ESYT3: variants seen among roughly 807,000 people sequenced by gnomAD.
ESYT3 encodes extended synaptotagmin-3.
In ESYT3, 101 loss-of-function variants were observed where a neutral mutation model predicts 111.5. The observed-to-expected ratio is 0.91, with a 90% CI of 0.77 to 1.07. The LOEUF (loss-of-function observed/expected upper bound fraction) is 1.07, where lower values mean the gene tolerates loss of function less well. Ranked by LOEUF, ESYT3 falls within the 50% of genes least tolerant of loss-of-function variation. The pLI is 0.00. For synonymous variants in ESYT3, 416 were observed against 446.8 expected, an observed-to-expected ratio of 0.93 and a Z score of 0.87; for missense variants, 1,097 against 1,109.4, an observed-to-expected ratio of 0.99 and a Z score of 0.16.
intron 9 of ESYT3, 103 bp downstream of exon 9, chr3:138,464,618 G>C: frequency 7.9e-7 from 1 of 1,263,096 alleles, no homozygotes; most frequent in South Asian, 1.4e-5. Flanking sequence ...GAGACAGGCA[G>C]GTCTGTGGAA....
intron 1 of ESYT3, among the ~76,000 whole-genome samples, chr3:138,443,021 T>C (rs1340506737): frequency 6.6e-6 from 1 of 152,196 alleles, no homozygotes; most frequent in African/African-American, 2.4e-5. Flanking sequence ...CTATCATCGC[T>C]TAGGTCCCCT....
chr3:138,469,948 A>G, intron 15 of ESYT3, 112 bp from the exon 16 acceptor site: 1 of 810,796 alleles, frequency 1.2e-6, no homozygotes, highest in Non-Finnish European at 1.9e-6. Flanking sequence ...ATCCCAGGGC[A>G]TATAGGTAAG....
Position 138,472,597 on chromosome 3 carries a change from T to A in ESYT3, c.1975T>A (p.Ser659Thr). The change falls in exon 18 of 23, where the codon TCC (serine) becomes ACC (threonine). Residue 659 changes from serine (S) to threonine (T), a missense_variant. Transcript: ENST00000389567. ...SATTVATEPT[S>T]QETGPEPKGK... ...TACCACCGTTGCCACTGAGCCCACA[T>A]CCCAAGAGACAGGCCCAGAGCCTAA... The A allele has an allele frequency of 6.2e-7, 1 of 1,613,994 alleles. No homozygotes were observed. Among genetic ancestry groups the A allele is most frequent in the Non-Finnish European group, 8.5e-7 (1 of 1,180,004 alleles).
At chr3:138,459,322 G>A (rs2032485316) in intron 5 of ESYT3, 69 bp downstream of exon 5, 7 of 1,350,640 alleles carry the variant, frequency 5.2e-6, no homozygotes, top group Middle Eastern at 3.8e-4. Context: ...GGGGAAGCCA[G>A]GTCATGCCAG....
At chr3:138,439,521 C>T (rs774356340) in intron 1 of ESYT3, among the ~76,000 whole-genome samples, 5 of 152,160 alleles carry the variant, frequency 3.3e-5, no homozygotes, top group Non-Finnish European at 7.3e-5. Flanking sequence ...GCTTCCCTGC[C>T]CACCTCCCTT....
At chr3:138,481,012 G>T (rs2033678618), downstream of ESYT3, 1 of 152,140 alleles carries the variant, frequency 6.6e-6, no homozygotes, top group Non-Finnish European at 1.5e-5. Flanking sequence ...AAAAGGTGCT[G>T]GGACAATTGG....
chr3:138,459,831 G>C, intron 5 of ESYT3, 114 bp from the exon 6 acceptor site: 2 of 874,478 alleles, frequency 2.3e-6, no homozygotes, highest in Non-Finnish European at 3.6e-6. Context: ...AGGTGGCCCT[G>C]ACATGTGGGG....
Position 138,476,569 on chromosome 3 carries a change from C to G in ESYT3, c.2624+77C>G, listed in dbSNP as rs555059436. ...TTCCCTTTTCAGTACTGTTTCAGCTCCTTTGGTTATCAAGAAGGGAGGGAG... is the reference window on the plus strand; with the variant it reads ...TTCCCTTTTCAGTACTGTTTCAGCTGCTTTGGTTATCAAGAAGGGAGGGAG... On this transcript the variant is annotated intron_variant, in intron 22 of 22. Coordinates refer to ENST00000389567, the MANE Select transcript of ESYT3 (RefSeq NM_031913.5). 2.2e-5 allele frequency: 32 copies of G among 1,441,578 alleles called. No individual in the cohort carries two copies. The East Asian group carries it at 2.5e-4, about 11-fold the overall frequency. 89.3% of individuals were successfully genotyped at this position (1,441,578 alleles called of 1,614,324 possible).
Position 138,471,037 on chromosome 3 carries a change from C to A in ESYT3, c.1740+11C>A, listed in dbSNP as rs751082702. The A allele has an allele frequency of 6.2e-7, 1 of 1,610,270 alleles. No individual in the cohort carries two copies. ...AGGCTGGTGCTTCGGGTAAATCTCT[C>A]CGGTCCCCTGGGGGAGGGGAGGAAT... On this transcript the variant is annotated intron_variant, in intron 17 of 22. Transcript: ENST00000389567.
chr3:138,460,495 C>A, intron 6 of ESYT3, 116 bp from the exon 7 acceptor site: 1 of 1,144,528 alleles, frequency 8.7e-7, no homozygotes, highest in East Asian at 2.4e-5. Flanking sequence ...TCCTCCGAAC[C>A]CCCACCCTGG....
intron 9 of ESYT3, 109 bp downstream of exon 9, chr3:138,464,624 T>G (rs981993643): frequency 1.5e-5 from 18 of 1,188,784 alleles, no homozygotes; most frequent in Non-Finnish European, 2.1e-5. Flanking sequence ...GGCAGGTCTG[T>G]GGAATTCCTG....
chr3:138,460,016 GTTC>G lies in ESYT3; in HGVS notation c.724_726del (p.Phe242del). On this transcript the variant is annotated inframe_deletion, in exon 6 of 23. Coordinates refer to ENST00000389567, the MANE Select transcript of ESYT3 (RefSeq NM_031913.5). ...AGCCCTTTGTGGGAGCCGTGACTGT[GTTC>G]TTCCTTCAGAAGCCGGTGAGTCCCA... 1 of 1,614,142 alleles carries G rather than the reference GTTC, an allele frequency of 6.2e-7. No individual in the cohort carries two copies. The highest frequency in any genetic ancestry group is 1.1e-5 in the South Asian group (1 of 91,084).
chr3:138,465,577 A>C (rs916148899), intron 10 of ESYT3, among the ~76,000 whole-genome samples, 156 bp downstream of exon 10: 1 of 152,132 alleles, frequency 6.6e-6, no homozygotes, highest in African/African-American at 2.4e-5. Context: ...ACCATTCTAC[A>C]TTCCTACCAC....
At chr3:138,472,972 T>C in intron 18 of ESYT3, 113 bp downstream of exon 18, 1 of 1,515,164 alleles carries the variant, frequency 6.6e-7, no homozygotes, top group Non-Finnish European at 8.8e-7. Context: ...TTTCACAAAA[T>C]ATCTTCCTAA....
chr3:138,434,959 A>G lies in ESYT3; in HGVS notation c.161A>G (p.Tyr54Cys). 2 of 1,554,420 alleles carry G rather than the reference A, an allele frequency of 1.3e-6. No individual in the cohort carries two copies. The highest frequency in any genetic ancestry group is 8.7e-7 in the Non-Finnish European group (1 of 1,148,320). Residue 54 changes from tyrosine (Y) to cysteine (C), a missense_variant, in exon 1 of 23, where the codon TAC (tyrosine) becomes TGC (cysteine). Coordinates refer to ENST00000389567, the MANE Select transcript of ESYT3 (RefSeq NM_031913.5). ...FYLGPVYLAGYLGLSITWLLL... is the reference protein window; with the variant it reads ...FYLGPVYLAGCLGLSITWLLL... ...CTGGGGCCTGTCTACCTAGCTGGCT[A>G]CCTGGGGCTCAGCATAACCTGGTTG...
Position 138,472,388 on chromosome 3 carries a change from T to C in ESYT3, c.1766T>C (p.Leu589Pro). Residue 589 changes from leucine to proline, a missense_variant, in exon 18 of 23, where the codon CTG becomes CCG. Transcript: ENST00000389567. ...LRFLQVEERE[L>P]GSPYTGPEAL... is the part of the protein sequence containing the mutation. ...TTCCTGCAAGTGGAGGAACGAGAGCTGGGGAGCCCATACACAGGACCTGAA... is the reference window on the plus strand; with the variant it reads ...TTCCTGCAAGTGGAGGAACGAGAGCCGGGGAGCCCATACACAGGACCTGAA... The C allele has an allele frequency of 3.7e-6, 6 of 1,613,928 alleles. No individual in the cohort carries two copies. In the South Asian group the frequency reaches 6.6e-5, roughly 18 times the overall value.
chr3:138,460,711 C>T (rs779834140), intron 7 of ESYT3, 45 bp downstream of exon 7: 32 of 1,594,850 alleles, frequency 2.0e-5, no homozygotes, highest in Middle Eastern at 3.3e-4. Context: ...AGTTTGGGGG[C>T]CTCCAGGGCT....
intron 17 of ESYT3, 143 bp downstream of exon 17, chr3:138,471,169 C>G: frequency 1.5e-6 from 1 of 675,000 alleles, no homozygotes; most frequent in South Asian, 1.8e-5. Context: ...TTTTGAAATA[C>G]TGAATGGGAG....
chr3:138,473,705 CAG>C, intron 19 of ESYT3, 71 bp downstream of exon 19: 1 of 1,328,032 alleles, frequency 7.5e-7, no homozygotes, highest in South Asian at 1.2e-5. Context: ...TAGGGACACT[CAG>C]AGCAATGAAA....
Sources: allele counts gnomAD v4.1 joint callset (sites outside exome capture counted in the v4.1 genomes callset), GRCh38; gene constraint gnomAD v4.1.1; transcripts MANE v1.5; gene names NCBI Gene and HGNC (gene_info 2026-07-23, HGNC 2026-07-21).